The following XPR1 variants were observed in gnomAD, a reference collection of about 807,000 sequenced individuals.
XPR1 encodes xenotropic and polytropic retrovirus receptor 1.
XPR1 carries 28 observed loss-of-function variants against 87.5 expected under a neutral mutation model. The observed-to-expected ratio is 0.32, with a 90% CI of 0.24 to 0.44. The LOEUF (loss-of-function observed/expected upper bound fraction) is 0.44, where lower values mean the gene tolerates loss of function less well. Among genes scored for constraint, XPR1 ranks in the 20% least tolerant of loss-of-function variants. XPR1 has a pLI of 1.00. For synonymous variants in XPR1, 300 were observed against 306.1 expected (o/e 0.98, Z 0.21); for missense variants, 559 against 862.3 (o/e 0.65, Z 4.41).
intron 2 of XPR1, among the ~76,000 whole-genome samples, chr1:180,717,911 A>G (rs968195457): frequency 6.6e-6 from 1 of 152,168 alleles, no homozygotes; most frequent in African/African-American, 2.4e-5. Flanking sequence ...AAAAACCGCA[A>G]TTACTTTTGC....
At chr1:180,790,714 T>A (rs1010759306) in intron 3 of XPR1, among the ~76,000 whole-genome samples, 4 of 151,928 alleles carry the variant, frequency 2.6e-5, no homozygotes, top group East Asian at 3.9e-4. Context: ...TAATTTTTTT[T>A]ATATTTTTAG....
At chr1:180,862,059 TA>T (rs2102205427) in intron 11 of XPR1, among the ~76,000 whole-genome samples, 1 of 152,256 alleles carries the variant, frequency 6.6e-6, no homozygotes, top group African/African-American at 2.4e-5. Context: ...TTATGTAAGT[TA>T]ATTTTTAATA....
At chr1:180,728,162 A>G (rs1375289720) in intron 2 of XPR1, among the ~76,000 whole-genome samples, 1 of 152,180 alleles carries the variant, frequency 6.6e-6, no homozygotes, top group East Asian at 1.9e-4. Flanking sequence ...ATATGTATTC[A>G]GGAGCAATTT....
intron 1 of XPR1, among the ~76,000 whole-genome samples, chr1:180,652,623 T>C (rs1056822666): frequency 6.6e-6 from 1 of 152,218 alleles, no homozygotes; most frequent in African/African-American, 2.4e-5. Flanking sequence ...TATTTGAAAT[T>C]ATAATATTTT....
At chr1:180,729,298 AAC>A (rs1306177686) in intron 2 of XPR1, among the ~76,000 whole-genome samples, 1 of 152,216 alleles carries the variant, frequency 6.6e-6, no homozygotes, top group Non-Finnish European at 1.5e-5. Context: ...TACTGCGATT[AAC>A]ATATGTGTGC....
At chr1:180,696,202 G>GTA (rs1483808394) in intron 2 of XPR1, among the ~76,000 whole-genome samples, 2,921 of 104,974 alleles carry the variant, frequency 0.028, 31 homozygotes, top group Non-Finnish European at 0.038. Flanking sequence ...GTGTGTGTGT[G>GTA]TGTGTGTATA....
intron 2 of XPR1, among the ~76,000 whole-genome samples, chr1:180,727,364 TATA>T (rs1402247938): frequency 6.6e-6 from 1 of 151,974 alleles, no homozygotes. Context: ...AGTTTATTAA[TATA>T]ATAAAGGAAT....
intron 11 of XPR1, among the ~76,000 whole-genome samples, chr1:180,843,870 T>A (rs1178661650): frequency 6.6e-6 from 1 of 152,192 alleles, no homozygotes. Flanking sequence ...GTTTAAAAAG[T>A]CTCTACTATT....
Position 180,749,019 on chromosome 1 carries a change from C to A in XPR1, c.122-38734C>A, listed in dbSNP as rs921424799. Among the ~76,000 whole-genome samples, 4 of 152,170 alleles carry A rather than the reference C, an allele frequency of 2.6e-5. No homozygotes were observed. The South Asian group carries it at 8.3e-4, about 32-fold the overall frequency. On this transcript the variant is annotated intron_variant, in intron 2 of 14. Transcript: ENST00000367590. ...TTTGAGACCAGCCTGGGTAATATAGCGAGACCTTGTCTCTACTAAAAATTT... is the reference window on the plus strand; with the variant it reads ...TTTGAGACCAGCCTGGGTAATATAGAGAGACCTTGTCTCTACTAAAAATTT...
intron 2 of XPR1, among the ~76,000 whole-genome samples, chr1:180,785,046 T>TGTG (rs71121052): frequency 1.3e-5 from 2 of 150,338 alleles, no homozygotes; most frequent in Non-Finnish European, 3.0e-5. Flanking sequence ...TGTGTGTGTG[T>TGTG]TACTATAACC....
chr1:180,711,331 A>G (rs1310744877), intron 2 of XPR1, among the ~76,000 whole-genome samples: 1 of 152,232 alleles, frequency 6.6e-6, no homozygotes, highest in East Asian at 1.9e-4. Flanking sequence ...AACATTGAGC[A>G]CTGAGTGAAC....
chr1:180,754,574 C>T (rs570670504), intron 2 of XPR1, among the ~76,000 whole-genome samples: 18 of 152,242 alleles, frequency 1.2e-4, no homozygotes, highest in Middle Eastern at 3.4e-3. Flanking sequence ...AATCCGCCCA[C>T]CTAGGCTTCC....
intron 11 of XPR1, among the ~76,000 whole-genome samples, chr1:180,849,841 T>A (rs1651806388): frequency 6.6e-6 from 1 of 152,106 alleles, no homozygotes; most frequent in Non-Finnish European, 1.5e-5. Flanking sequence ...GCAGAGACAG[T>A]CAAGTGTTAG....
chr1:180,858,714 C>T (rs943915667), intron 11 of XPR1, among the ~76,000 whole-genome samples: 3 of 152,094 alleles, frequency 2.0e-5, no homozygotes, highest in Non-Finnish European at 4.4e-5. Flanking sequence ...GTTATCTTTC[C>T]ATTTATTAAC....
chr1:180,645,564 G>T (rs1254143721), intron 1 of XPR1, among the ~76,000 whole-genome samples: 2 of 152,178 alleles, frequency 1.3e-5, no homozygotes, highest in Non-Finnish European at 2.9e-5. Flanking sequence ...GCTGCTAGTG[G>T]TGACTGCTTT....
rs1194701785 is a variant in XPR1, at chr1:180,886,137, C to T, written c.*2071C>T. On this transcript the variant is annotated 3_prime_UTR_variant, in exon 15 of 15. Transcript: ENST00000367590. ...AATCATTTATAATAATCAGTGTTAACAATTTAGTGACCCTTGGTAGGTTAA... is the reference window on the plus strand; with the variant it reads ...AATCATTTATAATAATCAGTGTTAATAATTTAGTGACCCTTGGTAGGTTAA... The T allele has an allele frequency of 6.6e-6, 1 of 152,048 alleles. No individual in the cohort carries two copies. The highest frequency in any genetic ancestry group is 6.5e-5 in the Admixed American group (1 of 15,274). The allele number at this position is 152,048 out of a possible 1,614,324, so 9.4% of individuals were successfully genotyped here.
chr1:180,730,877 G>A (rs1231514303), intron 2 of XPR1, among the ~76,000 whole-genome samples: 1 of 151,586 alleles, frequency 6.6e-6, no homozygotes, highest in African/African-American at 2.4e-5. Context: ...GTGTTACCTA[G>A]GCTGGTCTTG....
intron 1 of XPR1, among the ~76,000 whole-genome samples, chr1:180,638,468 G>A (rs1164177009): frequency 6.6e-6 from 1 of 152,048 alleles, no homozygotes; most frequent in Admixed American, 6.6e-5. Context: ...CAGGGTTCTT[G>A]CCCAGTGTAT....
Position 180,797,626 on chromosome 1 carries a change from G to A in XPR1, c.224-5762G>A, listed in dbSNP as rs528871853. Among the ~76,000 whole-genome samples the A allele has an allele frequency of 2.0e-5, 3 of 152,266 alleles. No homozygotes were observed. The East Asian group carries it at 5.8e-4, about 29-fold the overall frequency. ...CTAATCTTTTAACAATTAAAGTTAA[G>A]CAATTTTATTACATATGATATTCTG... On this transcript the variant is annotated intron_variant, in intron 3 of 14. Coordinates refer to ENST00000367590, the MANE Select transcript of XPR1 (RefSeq NM_004736.4).
Sources: allele counts gnomAD v4.1 joint callset (sites outside exome capture counted in the v4.1 genomes callset), GRCh38; gene constraint gnomAD v4.1.1; transcripts MANE v1.5; gene names NCBI Gene and HGNC (gene_info 2026-07-23, HGNC 2026-07-21).